The following LINGO2 variants were observed in gnomAD, a reference collection of about 807,000 sequenced individuals.
LINGO2 encodes the protein leucine rich repeat and Ig domain containing 2, also known as leucine-rich repeat and immunoglobulin-like domain-containing nogo receptor-interacting protein 2.
Under a neutral mutation model 30.6 loss-of-function variants are expected in LINGO2, and 14 were observed. The observed-to-expected ratio is 0.46, with a 90% CI of 0.30 to 0.72. The LOEUF is 0.72. LINGO2 is among the 30% of genes least tolerant of loss of function. LINGO2 has a pLI of 0.07. For synonymous variants in LINGO2, 317 were observed against 288.5 expected (o/e 1.10, Z -1.00); for missense variants, 729 against 751.7 (o/e 0.97, Z 0.35).
chr9:29,008,796 A>G, the LINGO2 span, among the ~76,000 whole-genome samples: 1 of 151,920 alleles, frequency 6.6e-6, no homozygotes, highest in Non-Finnish European at 1.5e-5. Context: ...TCTTGTAAAA[A>G]AACGAATTCC....
At chr9:29,169,482 T>C in the LINGO2 span, among the ~76,000 whole-genome samples, 1 of 151,790 alleles carries the variant, frequency 6.6e-6, no homozygotes, top group African/African-American at 2.4e-5. Context: ...ACACAGACAT[T>C]CTTCAAAAGA....
chr9:28,337,991 G>T (rs1953004), intron 3 of LINGO2, among the ~76,000 whole-genome samples: 3 of 151,982 alleles, frequency 2.0e-5, no homozygotes, highest in South Asian at 2.1e-4. Context: ...AGCCACTATC[G>T]TCCAGACCCC....
the LINGO2 span, among the ~76,000 whole-genome samples, chr9:29,052,276 A>G: frequency 6.6e-6 from 1 of 152,168 alleles, no homozygotes; most frequent in South Asian, 2.1e-4. Flanking sequence ...ACCAAGACCA[A>G]TAATTACTGG....
intron 3 of LINGO2, among the ~76,000 whole-genome samples, chr9:28,338,219 T>C (rs1825652472): frequency 1.3e-5 from 2 of 152,170 alleles, no homozygotes; most frequent in Admixed American, 1.3e-4. Flanking sequence ...TGACCTTTAA[T>C]ATTTGACTGT....
At chr9:28,161,077 G>T (rs1045252045) in intron 4 of LINGO2, among the ~76,000 whole-genome samples, 13 of 152,162 alleles carry the variant, frequency 8.5e-5, no homozygotes, top group Admixed American at 3.3e-4. Flanking sequence ...TCCTGCCAAA[G>T]GTTGAAGAGC....
the LINGO2 span, among the ~76,000 whole-genome samples, chr9:28,827,144 T>C: frequency 2.6e-5 from 4 of 152,152 alleles, no homozygotes; most frequent in African/African-American, 9.7e-5. Context: ...CTGAAAGATA[T>C]AAAATTAGCT....
rs1825393272 is a variant in LINGO2 at position 28,468,368 on chromosome 9, A to C, written c.-279+7572T>G. Among the ~76,000 whole-genome samples, 10 of 152,300 alleles carry C rather than the reference A, an allele frequency of 6.6e-5. No individual in the cohort carries two copies. In the South Asian group the frequency reaches 2.1e-3, roughly 32 times the overall value. The stretch of plus-strand genomic sequence containing the variant: ...AAGGCACTAGTTTCTCACTCTCCTT[A>C]CTTGGAACTCAGAAGAGGAAACAGT... On this transcript the variant is annotated intron_variant, in intron 2 of 5. Transcript: ENST00000379992.
the LINGO2 span, among the ~76,000 whole-genome samples, chr9:29,104,275 GGT>G: frequency 2.0e-5 from 3 of 152,046 alleles, no homozygotes; most frequent in Non-Finnish European, 2.9e-5. Flanking sequence ...ATTGGATCAT[GGT>G]GTGCATTTTC....
chr9:29,080,383 C>CA, the LINGO2 span, among the ~76,000 whole-genome samples: 1 of 151,730 alleles, frequency 6.6e-6, no homozygotes, highest in Non-Finnish European at 1.5e-5. Flanking sequence ...ATGATCTTTT[C>CA]AAAAAACCAG....
exon 6 of LINGO2, chr9:27,948,640 G>C (rs1823463059): frequency 1.8e-6 from 1 of 570,426 alleles, no homozygotes; most frequent in Non-Finnish European, 3.1e-6. Flanking sequence ...CAAACACTTA[G>C]TATCCCACTG....
the LINGO2 span, among the ~76,000 whole-genome samples, chr9:28,898,662 C>T: frequency 1.3e-5 from 2 of 151,930 alleles, no homozygotes; most frequent in Admixed American, 6.6e-5. Flanking sequence ...GAGTTGCTTT[C>T]TCTCCAAATA....
chr9:28,134,345 G>A (rs13284602), intron 4 of LINGO2, among the ~76,000 whole-genome samples: 3,931 of 152,222 alleles, frequency 0.026, 87 homozygotes, highest in Non-Finnish European at 0.036. Flanking sequence ...AGAACAACTC[G>A]CTATTCCTCT....
chr9:28,370,935 G>A (rs17767337), intron 3 of LINGO2, among the ~76,000 whole-genome samples: 59,975 of 152,020 alleles, frequency 0.39, 13,006 homozygotes, highest in Non-Finnish European at 0.47. Context: ...ATCTGTTACT[G>A]GGCTTCCCTT....
chr9:28,038,641 C>G (rs551671246), intron 4 of LINGO2, among the ~76,000 whole-genome samples: 1 of 148,978 alleles, frequency 6.7e-6, no homozygotes, highest in Non-Finnish European at 1.5e-5. Context: ...TGCAGTGAGC[C>G]GAGATTGCAC....
At chr9:27,967,900 A>T (rs145324393) in intron 5 of LINGO2, among the ~76,000 whole-genome samples, 1 of 152,186 alleles carries the variant, frequency 6.6e-6, no homozygotes, top group African/African-American at 2.4e-5. Flanking sequence ...AAACAATTAT[A>T]TATCAGTCAA....
chr9:28,188,938 C>A (rs1051025021), intron 4 of LINGO2, among the ~76,000 whole-genome samples: 1 of 152,068 alleles, frequency 6.6e-6, no homozygotes, highest in Non-Finnish European at 1.5e-5. Context: ...GGAAAAGCAT[C>A]TCTTCAGAAA....
At chr9:28,176,974 C>T (rs1315227893) in intron 4 of LINGO2, among the ~76,000 whole-genome samples, 6 of 152,168 alleles carry the variant, frequency 3.9e-5, no homozygotes, top group Non-Finnish European at 8.8e-5. Flanking sequence ...AAAATTAACA[C>T]AATAATACTT....
At chr9:28,856,287 C>T in the LINGO2 span, among the ~76,000 whole-genome samples, 1 of 151,938 alleles carries the variant, frequency 6.6e-6, no homozygotes, top group South Asian at 2.1e-4. Flanking sequence ...ATCGAGCATC[C>T]TCTTCATAAC....
At chr9:28,159,623 T>C (rs1314228389) in intron 4 of LINGO2, among the ~76,000 whole-genome samples, 3 of 75,760 alleles carry the variant, frequency 4.0e-5, no homozygotes, top group African/African-American at 1.5e-4. Context: ...TTGAATTTCA[T>C]ACTGAATAGT....
Sources: gnomAD v4.1 joint callset for allele counts (sites outside exome capture counted in the v4.1 genomes callset) on GRCh38, gnomAD v4.1.1 for gene constraint, MANE v1.5 for transcripts, NCBI Gene and HGNC (gene_info 2026-07-23, HGNC 2026-07-21) for gene names.